The following KCNIP1 variants were observed in gnomAD, a reference collection of about 807,000 sequenced individuals.
KCNIP1 encodes the protein A-type potassium channel modulatory protein KCNIP1.
A neutral mutation model predicts 33.0 loss-of-function variants in KCNIP1; 18 were observed. That is an observed-to-expected ratio of 0.55 (90% CI 0.38 to 0.81). KCNIP1 has a LOEUF of 0.81. Among genes scored for constraint, KCNIP1 ranks in the 30% least tolerant of loss-of-function variants. The pLI, the probability that KCNIP1 is intolerant of heterozygous loss-of-function variation, is 0.00. For synonymous variants in KCNIP1, 93 were observed against 98.3 expected (o/e 0.95, Z 0.32); for missense variants, 238 against 271.6 (o/e 0.88, Z 0.87).
intron 1 of KCNIP1, among the ~76,000 whole-genome samples, chr5:170,535,545 C>G (rs144838782): frequency 6.6e-6 from 1 of 152,124 alleles, no homozygotes; most frequent in Non-Finnish European, 1.5e-5. Context: ...GGACCACCCT[C>G]AGAGGCTCCC....
In KCNIP1 at chr5:170,722,806, T is replaced by C. The variant is rs140919117; in HGVS notation, c.421T>C (p.Tyr141His). 6.2e-7 allele frequency: 1 copy of C among 1,611,658 alleles called. No homozygotes were observed. The highest frequency in any genetic ancestry group is 1.3e-5 in the African/African-American group (1 of 74,858). Reference protein sequence around the residue: ...FNLYDINKDGYINKEEMMDIV... With the variant: ...FNLYDINKDGHINKEEMMDIV... ...TTTGTATGACATCAACAAGGACGGA[T>C]ACATAAACAAAGAGGTAAGTGAGCT... The change falls in exon 5 of 8, where the codon TAC (tyrosine) becomes CAC (histidine). Residue 141 changes from tyrosine to histidine, a missense_variant. Coordinates refer to ENST00000328939, the MANE Select transcript of KCNIP1 (RefSeq NM_014592.4).
intron 1 of KCNIP1, among the ~76,000 whole-genome samples, chr5:170,538,684 A>G (rs1756086223): frequency 6.6e-6 from 1 of 151,664 alleles, no homozygotes; most frequent in Non-Finnish European, 1.5e-5. Context: ...CAAAACTCTC[A>G]GTTTATGGAC....
chr5:170,723,399 C>G (rs1300023826), intron 5 of KCNIP1, among the ~76,000 whole-genome samples: 1 of 152,128 alleles, frequency 6.6e-6, no homozygotes. Flanking sequence ...GTGAAATACC[C>G]TCAGGTCTAT....
chr5:170,354,262 G>A (rs570698926), intron 1 of KCNIP1, among the ~76,000 whole-genome samples: 30 of 152,330 alleles, frequency 2.0e-4, no homozygotes, highest in South Asian at 1.7e-3. Flanking sequence ...AGCATTGGAA[G>A]TGGCTTAGCG....
intron 1 of KCNIP1, among the ~76,000 whole-genome samples, chr5:170,563,418 C>T (rs1757101696): frequency 6.6e-6 from 1 of 152,186 alleles, no homozygotes; most frequent in Non-Finnish European, 1.5e-5. Context: ...CACCTGCTCA[C>T]ACACAGGGCT....
At chr5:170,362,496 G>T (rs1179500958) in intron 1 of KCNIP1, among the ~76,000 whole-genome samples, 1 of 152,128 alleles carries the variant, frequency 6.6e-6, no homozygotes, top group Non-Finnish European at 1.5e-5. Flanking sequence ...CAAGCTCCCC[G>T]ATCCATCCCC....
chr5:170,480,982 A>T (rs1321499789), intron 1 of KCNIP1, among the ~76,000 whole-genome samples: 2 of 152,180 alleles, frequency 1.3e-5, no homozygotes, highest in Non-Finnish European at 2.9e-5. Flanking sequence ...AATATCACCC[A>T]TATATAAATC....
chr5:170,516,699 A>G (rs1235680955), intron 1 of KCNIP1, among the ~76,000 whole-genome samples: 1 of 152,226 alleles, frequency 6.6e-6, no homozygotes, highest in Non-Finnish European at 1.5e-5. Context: ...GTGTTGGGTG[A>G]AATAGAACTG....
At chr5:170,636,403 G>A (rs1760282391) in intron 1 of KCNIP1, among the ~76,000 whole-genome samples, 1 of 152,158 alleles carries the variant, frequency 6.6e-6, no homozygotes, top group African/African-American at 2.4e-5. Flanking sequence ...GAAGGTCAGT[G>A]CTCTATCACA....
intron 1 of KCNIP1, among the ~76,000 whole-genome samples, chr5:170,586,904 A>G (rs1456508451): frequency 1.3e-5 from 2 of 152,222 alleles, no homozygotes; most frequent in Non-Finnish European, 2.9e-5. Context: ...AGCTCTGACC[A>G]CACAGCAGTG....
chr5:170,608,040 A>C (rs927859560), intron 1 of KCNIP1, among the ~76,000 whole-genome samples: 1 of 152,196 alleles, frequency 6.6e-6, no homozygotes, highest in Non-Finnish European at 1.5e-5. Flanking sequence ...TGAAGGCTAG[A>C]AGGTCCAGAT....
At chr5:170,550,495 GTGA>G (rs1041609338) in intron 1 of KCNIP1, among the ~76,000 whole-genome samples, 3 of 149,884 alleles carry the variant, frequency 2.0e-5, no homozygotes, top group Middle Eastern at 3.2e-3. Context: ...GACAATGATG[GTGA>G]TGATGATGGT....
At chr5:170,629,578 C>T (rs139813141) in intron 1 of KCNIP1, among the ~76,000 whole-genome samples, 207 of 152,318 alleles carry the variant, frequency 1.4e-3, no homozygotes, top group Admixed American at 3.5e-3. Flanking sequence ...TCTCCAGGTG[C>T]TCAGTTAGAT....
At chr5:170,363,585 A>G (rs1412041380) in intron 1 of KCNIP1, among the ~76,000 whole-genome samples, 1 of 152,220 alleles carries the variant, frequency 6.6e-6, no homozygotes, top group Non-Finnish European at 1.5e-5. Context: ...GTGGGACAAT[A>G]GATTTTCGTT....
intron 1 of KCNIP1, among the ~76,000 whole-genome samples, chr5:170,408,511 A>AG (rs1310733128): frequency 6.6e-6 from 1 of 152,132 alleles, no homozygotes; most frequent in East Asian, 1.9e-4. Context: ...CCAAACTAGG[A>AG]GGGGGAAAAA....
At chr5:170,454,323 T>C (rs898322018) in intron 1 of KCNIP1, among the ~76,000 whole-genome samples, 2 of 152,174 alleles carry the variant, frequency 1.3e-5, no homozygotes, top group African/African-American at 2.4e-5. Context: ...AAGGGACAAA[T>C]TAAATTTTGG....
intron 1 of KCNIP1, chr5:170,375,159 C>T (rs1017011706): frequency 2.6e-5 from 4 of 152,170 alleles, no homozygotes; most frequent in African/African-American, 7.2e-5. Context: ...TGAAGCTTTA[C>T]GAAATAATAC....
At chr5:170,437,271 T>C (rs1245128851) in intron 1 of KCNIP1, among the ~76,000 whole-genome samples, 1 of 152,104 alleles carries the variant, frequency 6.6e-6, no homozygotes, top group East Asian at 1.9e-4. Context: ...AGGAAATTCT[T>C]TTATGGCCTG....
At chr5:170,500,787 G>A (rs550972393), upstream of KCNIP1, among the ~76,000 whole-genome samples, 18 of 152,326 alleles carry the variant, frequency 1.2e-4, no homozygotes, top group South Asian at 2.3e-3. Flanking sequence ...CAAGGCGTCC[G>A]CAGGAATAAA....
Sources: allele counts gnomAD v4.1 joint callset (sites outside exome capture counted in the v4.1 genomes callset), GRCh38; gene constraint gnomAD v4.1.1; transcripts MANE v1.5; gene names NCBI Gene and HGNC (gene_info 2026-07-23, HGNC 2026-07-21).